ARHGAP6: variants seen among roughly 807,000 people sequenced by gnomAD.
ARHGAP6 encodes the protein Rho GTPase activating protein 6.
A neutral mutation model predicts 55.7 loss-of-function variants in ARHGAP6; 16 were observed. That is an observed-to-expected ratio of 0.29 (90% CI 0.19 to 0.44). ARHGAP6 has a LOEUF of 0.44. Ranked by LOEUF, ARHGAP6 falls within the 20% of genes least tolerant of loss-of-function variation. The pLI is 1.00. For missense variants in ARHGAP6, 698 were observed against 808.9 expected (o/e 0.86, Z 1.66); for synonymous variants, 382 against 360.9 (o/e 1.06, Z -0.66).
In ARHGAP6 at chrX:11,439,234, C is replaced by T. The variant is rs746194851; in HGVS notation, c.589-184527G>A. On this transcript the variant is annotated intron_variant, in intron 1 of 12. Coordinates refer to ENST00000337414, the MANE Select transcript of ARHGAP6 (RefSeq NM_013427.3). ...GGAGATAATTGTCTCAGATCTAGCA[C>T]AGGGTGAGTAAAATTGTTTTTACAT... Among the ~76,000 whole-genome samples the T allele has an allele frequency of 7.1e-5, 8 of 112,400 alleles. No individual in the cohort carries two copies. In the South Asian group the frequency reaches 2.9e-3, roughly 41 times the overall value.
intron 12 of ARHGAP6, among the ~76,000 whole-genome samples, chrX:11,140,436 T>TA (rs749318989): frequency 0.19 from 18,012 of 93,490 alleles, 1,623 homozygotes; most frequent in Middle Eastern, 0.23. Context: ...AAAAAAAAAT[T>TA]AAAAAAAAAA....
chrX:11,209,271 A>T (rs1210014301), intron 2 of ARHGAP6, among the ~76,000 whole-genome samples: 1 of 111,726 alleles, frequency 9.0e-6, no homozygotes, highest in East Asian at 2.8e-4. Context: ...CCACCCGAGT[A>T]TCTGGGATTA....
intron 1 of ARHGAP6, among the ~76,000 whole-genome samples, chrX:11,650,948 T>C (rs2052577295): frequency 8.9e-6 from 1 of 112,164 alleles, no homozygotes; most frequent in Non-Finnish European, 1.9e-5. Flanking sequence ...TTATTGACAA[T>C]ATATTAAAAC....
At chrX:11,357,700 C>T (rs2048949713) in intron 1 of ARHGAP6, among the ~76,000 whole-genome samples, 1 of 111,321 alleles carries the variant, frequency 9.0e-6, no homozygotes, top group African/African-American at 3.3e-5. Flanking sequence ...TGACATCACC[C>T]CCATGCTAAT....
chrX:11,622,111 C>G (rs1382842317), intron 1 of ARHGAP6, among the ~76,000 whole-genome samples: 1 of 111,774 alleles, frequency 8.9e-6, no homozygotes, highest in Non-Finnish European at 1.9e-5. Context: ...CCCACAGGCA[C>G]TCATTAAAAG....
intron 2 of ARHGAP6, among the ~76,000 whole-genome samples, chrX:11,219,836 G>A (rs1199141751): frequency 1.0e-5 from 1 of 97,605 alleles, no homozygotes; most frequent in African/African-American, 3.8e-5. Context: ...CATGTTGTAG[G>A]TTGCCTGTTC....
intron 1 of ARHGAP6, chrX:11,265,705 G>A (rs17321447): frequency 0.12 from 100,584 of 873,031 alleles, 4,383 homozygotes; most frequent in Non-Finnish European, 0.13. Context: ...ATAATCAGCC[G>A]CGTCTTTGCT....
intron 1 of ARHGAP6, among the ~76,000 whole-genome samples, chrX:11,426,249 C>T (rs1483156393): frequency 9.0e-6 from 1 of 111,515 alleles, no homozygotes; most frequent in Non-Finnish European, 1.9e-5. Flanking sequence ...CCCAATGGCC[C>T]TGCAATTAAT....
At chrX:11,223,170 G>C in intron 2 of ARHGAP6, 1 of 173,113 alleles carries the variant, frequency 5.8e-6, no homozygotes, top group Non-Finnish European at 1.1e-5. Flanking sequence ...CATTAAAAAG[G>C]GTCTTGCTGC....
chrX:11,175,120 CCATTAGTTGAATCCTTCCAAGGATT>C, intron 8 of ARHGAP6, among the ~76,000 whole-genome samples: 1 of 111,711 alleles, frequency 9.0e-6, no homozygotes, highest in Non-Finnish European at 1.9e-5. Flanking sequence ...ATCATATCAC[CCATTAGTTGAATCCTTCCAAGGATT>C]CACAGCTTAA....
chrX:11,504,614 C>T (rs760828192), intron 1 of ARHGAP6, among the ~76,000 whole-genome samples: 1 of 111,917 alleles, frequency 8.9e-6, no homozygotes, highest in South Asian at 3.7e-4. Flanking sequence ...TGATTAAAAC[C>T]CCAACTATAT....
chrX:11,148,681 G>A, intron 10 of ARHGAP6: 1 of 375,049 alleles, frequency 2.7e-6, no homozygotes. Context: ...AGGGTACTGT[G>A]GGCAGGCCTG....
At chrX:11,346,417 C>T (rs1368950418) in intron 1 of ARHGAP6, among the ~76,000 whole-genome samples, 1 of 111,808 alleles carries the variant, frequency 8.9e-6, no homozygotes, top group Non-Finnish European at 1.9e-5. Flanking sequence ...CCCTAACTCC[C>T]ATCCTAGGGT....
At chrX:11,573,263 A>G (rs7881060) in intron 1 of ARHGAP6, among the ~76,000 whole-genome samples, 26,433 of 106,289 alleles carry the variant, frequency 0.25, 3,086 homozygotes, top group Middle Eastern at 0.37. Flanking sequence ...CCTTGCCCAT[A>G]CCTATGTCCT....
At chrX:11,161,194 T>C (rs1251309610) in intron 9 of ARHGAP6, among the ~76,000 whole-genome samples, 1 of 112,436 alleles carries the variant, frequency 8.9e-6, no homozygotes. Flanking sequence ...CTTCTAATCT[T>C]TGGCTATAAC....
intron 1 of ARHGAP6, among the ~76,000 whole-genome samples, chrX:11,519,000 T>G (rs1434860036): frequency 2.1e-5 from 2 of 97,091 alleles, no homozygotes; most frequent in Non-Finnish European, 4.0e-5. Flanking sequence ...TACCATGGTG[T>G]ATATGTGCCA....
chrX:11,536,729 C>G (rs182965822), intron 1 of ARHGAP6, among the ~76,000 whole-genome samples: 2 of 112,352 alleles, frequency 1.8e-5, no homozygotes, highest in African/African-American at 6.5e-5. Flanking sequence ...AAAAACGTAA[C>G]TAAAGAAAGC....
At chrX:11,362,730 C>T (rs1194897216) in intron 1 of ARHGAP6, among the ~76,000 whole-genome samples, 3 of 110,757 alleles carry the variant, frequency 2.7e-5, no homozygotes, top group Middle Eastern at 9.3e-3. Context: ...GTATTTCCTC[C>T]CTTGTCTTCT....
intron 1 of ARHGAP6, among the ~76,000 whole-genome samples, chrX:11,608,894 T>C (rs1020412870): frequency 9.0e-6 from 1 of 111,635 alleles, no homozygotes; most frequent in Admixed American, 9.5e-5. Flanking sequence ...CTTCCCAGTC[T>C]TGGGTATGTC....
Sources: gnomAD v4.1 joint callset for allele counts (sites outside exome capture counted in the v4.1 genomes callset) on GRCh38, gnomAD v4.1.1 for gene constraint, MANE v1.5 for transcripts, NCBI Gene and HGNC (gene_info 2026-07-23, HGNC 2026-07-21) for gene names.